Variants in FAT3 observed in about 807,000 individuals in gnomAD.
FAT3 encodes protocadherin Fat 3.
FAT3 carries 95 observed loss-of-function variants against 310.2 expected under a neutral mutation model. The ratio of observed to expected loss-of-function variants is 0.31; its 90% CI spans 0.26 to 0.36. The LOEUF (loss-of-function observed/expected upper bound fraction) is 0.36. Among genes scored for constraint, FAT3 ranks in the 10% least tolerant of loss-of-function variants. The pLI is 1.00. For synonymous variants in FAT3, 2,314 were observed against 2,192.9 expected, an observed-to-expected ratio of 1.06 and a Z score of -1.54; for missense variants, 5,408 against 5,715.6, an observed-to-expected ratio of 0.95 and a Z score of 1.74.
intron 3 of FAT3, among the ~76,000 whole-genome samples, chr11:92,613,414 G>T (rs961462740): frequency 6.6e-6 from 1 of 152,042 alleles, no homozygotes. Context: ...AAAAAACTAA[G>T]TTTAAAAATA....
chr11:92,444,837 A>T (rs1304598692), intron 2 of FAT3, among the ~76,000 whole-genome samples: 1 of 152,152 alleles, frequency 6.6e-6, no homozygotes, highest in Non-Finnish European at 1.5e-5. Context: ...ACACATTTGA[A>T]ATGTAATGAC....
intron 2 of FAT3, among the ~76,000 whole-genome samples, chr11:92,463,882 C>G (rs533766130): frequency 1.3e-5 from 2 of 152,258 alleles, no homozygotes; most frequent in South Asian, 4.1e-4. Context: ...CCTATTTTTC[C>G]TGACCTTCTG....
intron 2 of FAT3, among the ~76,000 whole-genome samples, chr11:92,465,414 T>A (rs950347054): frequency 6.6e-6 from 1 of 152,150 alleles, no homozygotes; most frequent in African/African-American, 2.4e-5. Context: ...TAGTTTACAG[T>A]CCCACCAACA....
At chr11:92,495,234 T>A (rs965309380) in intron 2 of FAT3, among the ~76,000 whole-genome samples, 7 of 152,112 alleles carry the variant, frequency 4.6e-5, no homozygotes, top group Non-Finnish European at 7.4e-5. Flanking sequence ...AGGGACAGTA[T>A]TCTTTATGAG....
At chr11:92,544,123 A>G (rs1954542493) in intron 3 of FAT3, among the ~76,000 whole-genome samples, 1 of 152,154 alleles carries the variant, frequency 6.6e-6, no homozygotes. Flanking sequence ...AAGAATCTCA[A>G]ATTATTGGTT....
intron 2 of FAT3, among the ~76,000 whole-genome samples, chr11:92,402,677 A>T (rs1055483137): frequency 2.0e-5 from 3 of 151,830 alleles, no homozygotes; most frequent in African/African-American, 7.3e-5. Context: ...GATGGCAGAT[A>T]GCTGAGATCA....
chr11:92,714,855 A>G (rs1348938124), intron 4 of FAT3, among the ~76,000 whole-genome samples: 1 of 152,162 alleles, frequency 6.6e-6, no homozygotes, highest in East Asian at 1.9e-4. Flanking sequence ...TGAATGAATG[A>G]ATGAGTGAAT....
At chr11:92,615,428 G>C (rs1218460288) in intron 3 of FAT3, among the ~76,000 whole-genome samples, 1 of 152,042 alleles carries the variant, frequency 6.6e-6, no homozygotes, top group African/African-American at 2.4e-5. Flanking sequence ...TGTATTTTTA[G>C]TGGAGACAGG....
At chr11:92,412,726 T>TACAC (rs1173401375) in intron 2 of FAT3, among the ~76,000 whole-genome samples, 21 of 40,818 alleles carry the variant, frequency 5.1e-4, no homozygotes, top group South Asian at 8.9e-4. Context: ...TATATATATA[T>TACAC]ATATATATAT....
At chr11:92,647,680 C>G (rs1019470265) in intron 3 of FAT3, among the ~76,000 whole-genome samples, 5 of 152,084 alleles carry the variant, frequency 3.3e-5, no homozygotes, top group African/African-American at 1.2e-4. Context: ...GATACATTTC[C>G]TACTTCCAAT....
At chr11:92,667,336 T>C (rs572103) in intron 3 of FAT3, among the ~76,000 whole-genome samples, 81,506 of 151,806 alleles carry the variant, frequency 0.54, 22,700 homozygotes, top group African/African-American at 0.68. Context: ...ATGAGGTAGG[T>C]GCTTCTTGCC....
intron 4 of FAT3, among the ~76,000 whole-genome samples, chr11:92,725,687 AT>A (rs762265969): frequency 4.5e-4 from 69 of 152,150 alleles, no homozygotes; most frequent in Admixed American, 2.7e-3. Flanking sequence ...TACAGTTGAG[AT>A]TTATAAAAGT....
intron 1 of FAT3, among the ~76,000 whole-genome samples, chr11:92,310,704 T>C (rs927106015): frequency 3.9e-5 from 6 of 152,058 alleles, no homozygotes; most frequent in African/African-American, 1.4e-4. Flanking sequence ...TATATACACA[T>C]ATAAGTTTCT....
At chr11:92,256,858 A>G (rs1338074539) in intron 1 of FAT3, among the ~76,000 whole-genome samples, 1 of 152,104 alleles carries the variant, frequency 6.6e-6, no homozygotes, top group African/African-American at 2.4e-5. Flanking sequence ...CAGGATATGA[A>G]TCCAGATCTT....
chr11:92,648,580 T>G (rs1942249627), intron 3 of FAT3, among the ~76,000 whole-genome samples: 1 of 152,200 alleles, frequency 6.6e-6, no homozygotes, highest in African/African-American at 2.4e-5. Flanking sequence ...CCAGAGCTCC[T>G]CCTGGATCCA....
chr11:92,259,890 T>C (rs1217760579), intron 1 of FAT3, among the ~76,000 whole-genome samples: 1 of 152,128 alleles, frequency 6.6e-6, no homozygotes, highest in African/African-American at 2.4e-5. Context: ...TTGGTGTTTT[T>C]CCTAGATGGG....
At chr11:92,431,341 C>A (rs1950770393) in intron 2 of FAT3, among the ~76,000 whole-genome samples, 1 of 151,904 alleles carries the variant, frequency 6.6e-6, no homozygotes, top group African/African-American at 2.4e-5. Context: ...ATCCTTCGCC[C>A]ACTTTTTGAT....
intron 1 of FAT3, among the ~76,000 whole-genome samples, chr11:92,253,996 A>G (rs888553442): frequency 3.3e-5 from 5 of 152,202 alleles, no homozygotes; most frequent in Admixed American, 6.5e-5. Context: ...AAGAAATGGC[A>G]TCGTTTATTT....
At chr11:92,352,034 C>G in intron 1 of FAT3, 62 bp from the exon 2 acceptor site, 1 of 1,059,708 alleles carries the variant, frequency 9.4e-7, no homozygotes, top group Non-Finnish European at 1.2e-6. Flanking sequence ...AGTTATTTCC[C>G]ACTCTCCCCC....
Sources: gnomAD v4.1 joint callset for allele counts (sites outside exome capture counted in the v4.1 genomes callset) on GRCh38, gnomAD v4.1.1 for gene constraint, MANE v1.5 for transcripts, NCBI Gene and HGNC (gene_info 2026-07-23, HGNC 2026-07-21) for gene names.